CLNK: variants seen among roughly 807,000 people sequenced by gnomAD.
CLNK encodes the protein cytokine-dependent hematopoietic cell linker.
CLNK carries 74 observed loss-of-function variants against 68.6 expected under a neutral mutation model. The observed-to-expected ratio is 1.08, with a 90% CI of 0.89 to 1.31. The LOEUF is 1.31. Ranked by LOEUF, CLNK falls within the 50% of genes most tolerant of loss-of-function variation. The pLI is 0.00. For missense variants in CLNK, 553 were observed against 515.3 expected (o/e 1.07, Z -0.71); for synonymous variants, 198 against 172.2 (o/e 1.15, Z -1.17).
chr4:10,519,412 T>C (rs1717969786), intron 15 of CLNK, among the ~76,000 whole-genome samples: 1 of 152,220 alleles, frequency 6.6e-6, no homozygotes. Context: ...AAGTAAGACC[T>C]CTTCTGGGCC....
intron 2 of CLNK, among the ~76,000 whole-genome samples, chr4:10,664,070 A>G (rs887578645): frequency 6.6e-6 from 1 of 152,184 alleles, no homozygotes; most frequent in African/African-American, 2.4e-5. Flanking sequence ...TGTTATAGCC[A>G]CCCGAGAAGA....
chr4:10,542,678 G>A (rs979094600), intron 8 of CLNK, among the ~76,000 whole-genome samples: 4 of 149,070 alleles, frequency 2.7e-5, no homozygotes, highest in Admixed American at 6.7e-5. Flanking sequence ...GTGTGTGTGT[G>A]TGTGTATATA....
At chr4:10,553,897 T>C (rs533768816) in intron 8 of CLNK, among the ~76,000 whole-genome samples, 1 of 152,378 alleles carries the variant, frequency 6.6e-6, no homozygotes, top group South Asian at 2.1e-4. Flanking sequence ...CTGTTCCTTA[T>C]ACTTAGCTGA....
chr4:10,559,046 G>A (rs2108818991), intron 7 of CLNK, among the ~76,000 whole-genome samples: 1 of 152,224 alleles, frequency 6.6e-6, no homozygotes, highest in Non-Finnish European at 1.5e-5. Context: ...CGAGAACACA[G>A]GTGTCGCTAA....
intron 2 of CLNK, among the ~76,000 whole-genome samples, chr4:10,637,761 ATTT>A (rs375771015): frequency 7.1e-6 from 1 of 140,758 alleles, no homozygotes; most frequent in Admixed American, 7.0e-5. Flanking sequence ...GGCCCAGCTA[ATTT>A]TTTTTTTTTT....
chr4:10,720,192 A>G, the CLNK span, among the ~76,000 whole-genome samples: 2 of 152,176 alleles, frequency 1.3e-5, no homozygotes, highest in African/African-American at 2.4e-5. Flanking sequence ...AGAGAAGAAA[A>G]CAATACAGAA....
At chr4:10,617,896 T>TC (rs1303220268) in intron 2 of CLNK, among the ~76,000 whole-genome samples, 2 of 152,170 alleles carry the variant, frequency 1.3e-5, no homozygotes, top group African/African-American at 4.8e-5. Context: ...GGAGGCATGT[T>TC]CCTTACATCT....
At chr4:10,518,319 T>C (rs1023562418) in intron 15 of CLNK, among the ~76,000 whole-genome samples, 5 of 152,234 alleles carry the variant, frequency 3.3e-5, no homozygotes. Context: ...TGAGTGTTGC[T>C]AATATTGCTA....
At chr4:10,670,650 A>T (rs1560272111) in intron 1 of CLNK, among the ~76,000 whole-genome samples, 1 of 152,144 alleles carries the variant, frequency 6.6e-6, no homozygotes, top group Non-Finnish European at 1.5e-5. Context: ...CTTCACCTGA[A>T]AAATGAGCAG....
intron 2 of CLNK, among the ~76,000 whole-genome samples, chr4:10,613,810 T>TA (rs1037049221): frequency 1.3e-5 from 2 of 152,186 alleles, no homozygotes; most frequent in African/African-American, 4.8e-5. Context: ...TGGAAACCAT[T>TA]AAAAAAGCAA....
chr4:10,501,872 A>T (rs1464273458), intron 17 of CLNK, among the ~76,000 whole-genome samples: 1 of 152,238 alleles, frequency 6.6e-6, no homozygotes, highest in African/African-American at 2.4e-5. Flanking sequence ...GATTGCAGTG[A>T]GCCAAGATCG....
At chr4:10,574,842 G>C (rs1210939801) in intron 4 of CLNK, among the ~76,000 whole-genome samples, 1 of 152,120 alleles carries the variant, frequency 6.6e-6, no homozygotes, top group Non-Finnish European at 1.5e-5. Context: ...GTCCTGTTCT[G>C]TTCCGTTCTG....
chr4:10,585,121 T>A (rs895800520), intron 3 of CLNK, among the ~76,000 whole-genome samples, 166 bp from the exon 4 acceptor site: 1 of 152,232 alleles, frequency 6.6e-6, no homozygotes, highest in Admixed American at 6.5e-5. Context: ...TTCTATTATA[T>A]ATAGAAATAT....
chr4:10,725,733 T>C, the CLNK span, among the ~76,000 whole-genome samples: 66,419 of 151,500 alleles, frequency 0.44, 15,086 homozygotes, highest in Middle Eastern at 0.6. Flanking sequence ...CGGGCGCCTG[T>C]AGTCCCAGCT....
At chr4:10,726,719 A>G in the CLNK span, among the ~76,000 whole-genome samples, 1 of 152,202 alleles carries the variant, frequency 6.6e-6, no homozygotes, top group African/African-American at 2.4e-5. Flanking sequence ...ACTGAAGCCC[A>G]GAGGTTTTAG....
chr4:10,707,014 T>C, the CLNK span, among the ~76,000 whole-genome samples: 1 of 127,214 alleles, frequency 7.9e-6, no homozygotes, highest in Admixed American at 8.9e-5. Context: ...ACTCCTGAGT[T>C]CAGGCAATCC....
At chr4:10,627,256 A>G (rs900292197) in intron 2 of CLNK, among the ~76,000 whole-genome samples, 6 of 152,136 alleles carry the variant, frequency 3.9e-5, no homozygotes, top group African/African-American at 1.2e-4. Context: ...GTTGGAACAC[A>G]ATTGCCACCT....
At chr4:10,701,129 C>A in the CLNK span, among the ~76,000 whole-genome samples, 1 of 152,206 alleles carries the variant, frequency 6.6e-6, no homozygotes, top group Non-Finnish European at 1.5e-5. Flanking sequence ...TCCAACCTTC[C>A]TAGCCATGAA....
At chr4:10,491,745 G>A (rs1716582054) in intron 18 of CLNK, among the ~76,000 whole-genome samples, 2 of 151,084 alleles carry the variant, frequency 1.3e-5, no homozygotes, top group African/African-American at 2.4e-5. Context: ...GACAGGTATT[G>A]AGAAGACTTG....
Sources: allele counts gnomAD v4.1 joint callset (sites outside exome capture counted in the v4.1 genomes callset), GRCh38; gene constraint gnomAD v4.1.1; transcripts MANE v1.5; gene names NCBI Gene and HGNC (gene_info 2026-07-23, HGNC 2026-07-21).